Variants in EBF2 observed in about 807,000 individuals in gnomAD.
The protein encoded by EBF2 is EBF transcription factor 2.
A neutral mutation model predicts 72.8 loss-of-function variants in EBF2; 21 were observed. That is an observed-to-expected ratio of 0.29 (90% CI 0.20 to 0.42). The LOEUF is 0.42. Among genes scored for constraint, EBF2 ranks in the 10% least tolerant of loss-of-function variants. EBF2 has a pLI of 1.00. For synonymous variants in EBF2, 299 were observed against 274.2 expected, an observed-to-expected ratio of 1.09 and a Z score of -0.89; for missense variants, 637 against 731.2, an observed-to-expected ratio of 0.87 and a Z score of 1.49.
At chr8:25,899,528 T>A (rs1230729864) in intron 7 of EBF2, among the ~76,000 whole-genome samples, 1 of 152,176 alleles carries the variant, frequency 6.6e-6, no homozygotes, top group Non-Finnish European at 1.5e-5. Context: ...TAATTTAAAC[T>A]CTCGTTTCCC....
intron 10 of EBF2, among the ~76,000 whole-genome samples, chr8:25,865,393 G>T (rs913241575): frequency 6.6e-6 from 1 of 151,978 alleles, no homozygotes; most frequent in Non-Finnish European, 1.5e-5. Context: ...AAACACTTCT[G>T]TGTTTTACAC....
At chr8:26,041,316 A>C in intron 2 of EBF2, 2 of 419,110 alleles carry the variant, frequency 4.8e-6, no homozygotes, top group Non-Finnish European at 4.4e-6. Context: ...GGCACCACCC[A>C]ACCCATCGGG....
chr8:25,858,362 T>G lies in EBF2; in HGVS notation c.1485A>C (p.Ser495=). The G allele has an allele frequency of 6.2e-7, 1 of 1,614,192 alleles. No homozygotes were observed. The highest frequency in any genetic ancestry group is 1.7e-5 in the Admixed American group (1 of 60,022). ...TGGGTGAGCCATTTAGAAATCCTGG[T>G]GAACCTGGAACACCCAAGTTGGCCA... The part of the protein sequence containing the change: ...VPMANLGVPG[S]PGFLNGSPTG... The change falls in exon 14 of 16, where the codon TCA becomes TCC. Residue 495 remains serine, a synonymous_variant. Transcript: ENST00000520164.
At chr8:26,029,935 C>A (rs1278434742) in intron 6 of EBF2, among the ~76,000 whole-genome samples, 11 of 152,178 alleles carry the variant, frequency 7.2e-5, no homozygotes, top group African/African-American at 2.6e-4. Flanking sequence ...TTTTCTGAGA[C>A]AGGTCTCCCT....
chr8:26,042,471 T>C (rs1290473145), intron 1 of EBF2, among the ~76,000 whole-genome samples: 1 of 151,868 alleles, frequency 6.6e-6, no homozygotes, highest in Non-Finnish European at 1.5e-5. Context: ...ATACCTGGGG[T>C]CTCTGACACC....
chr8:25,877,636 C>A (rs1377342930), intron 10 of EBF2, among the ~76,000 whole-genome samples: 1 of 152,118 alleles, frequency 6.6e-6, no homozygotes, highest in Non-Finnish European at 1.5e-5. Flanking sequence ...TCCTTGGATA[C>A]AGAAAATGTC....
rs576569548 is a variant in EBF2, at chr8:25,844,556, AT to A, written c.*52del. 1.9e-4 allele frequency: 298 copies of A among 1,605,752 alleles called. No homozygotes were observed. The highest frequency in any genetic ancestry group is 2.4e-4 in the Non-Finnish European group (287 of 1,172,666). On this transcript the variant is annotated 3_prime_UTR_variant, in exon 16 of 16. Coordinates refer to ENST00000520164, the MANE Select transcript of EBF2 (RefSeq NM_022659.4). Reference sequence around the variant, plus strand: ...CAAAAGAGCTCCTAGTGCTTTCTTCATTATTGGTCCATCAGAGTAAGTAGTT... The same window carrying A: ...CAAAAGAGCTCCTAGTGCTTTCTTCATATTGGTCCATCAGAGTAAGTAGTT...
intron 6 of EBF2, among the ~76,000 whole-genome samples, chr8:25,929,793 C>T (rs1260832467): frequency 6.6e-6 from 1 of 151,984 alleles, no homozygotes; most frequent in Non-Finnish European, 1.5e-5. Flanking sequence ...TCACTGAGCT[C>T]GCCGGCCTGG....
chr8:25,868,621 C>T (rs1276349585), intron 10 of EBF2, among the ~76,000 whole-genome samples: 2 of 152,086 alleles, frequency 1.3e-5, no homozygotes, highest in African/African-American at 2.4e-5. Context: ...ACTTGGGCTA[C>T]AGACATGCAC....
At chr8:26,041,072 G>T in intron 2 of EBF2, 70 bp from the exon 3 acceptor site, 1 of 1,552,852 alleles carries the variant, frequency 6.4e-7, no homozygotes, top group South Asian at 1.1e-5. Flanking sequence ...AGGAGACAGT[G>T]AATCCCCACC....
chr8:25,866,044 C>G (rs1802308360), intron 10 of EBF2, among the ~76,000 whole-genome samples: 1 of 151,534 alleles, frequency 6.6e-6, no homozygotes, highest in Non-Finnish European at 1.5e-5. Context: ...AAAATCTTAA[C>G]TGAAAGTAAC....
Position 25,876,104 on chromosome 8 carries a change from T to C in EBF2, c.1009+10651A>G, listed in dbSNP as rs1265304126. Among the ~76,000 whole-genome samples the C allele has an allele frequency of 2.6e-5, 4 of 152,172 alleles. No homozygotes were observed. In the South Asian group the frequency reaches 8.3e-4, roughly 32 times the overall value. On this transcript the variant is annotated intron_variant, in intron 10 of 15. Coordinates refer to ENST00000520164, the MANE Select transcript of EBF2 (RefSeq NM_022659.4). ...CATAAAAAGGAATGAGAGCATGTCA[T>C]ATTTGCAGGGACATGGATGAAGCTG...
intron 6 of EBF2, among the ~76,000 whole-genome samples, chr8:25,982,302 A>G (rs1346953243): frequency 6.6e-6 from 1 of 152,254 alleles, no homozygotes; most frequent in African/African-American, 2.4e-5. Context: ...GAACACCCAC[A>G]CTGAACTGCT....
chr8:25,905,510 G>T (rs555231721), intron 7 of EBF2, among the ~76,000 whole-genome samples: 1 of 152,174 alleles, frequency 6.6e-6, no homozygotes, highest in South Asian at 2.1e-4. Context: ...GCTGTAAAAA[G>T]GAATGAAGTA....
At chr8:26,000,165 C>A (rs568125206) in intron 6 of EBF2, among the ~76,000 whole-genome samples, 4 of 152,254 alleles carry the variant, frequency 2.6e-5, no homozygotes, top group Admixed American at 2.0e-4. Flanking sequence ...ATCCTCCTCA[C>A]ACAGGGGAAT....
chr8:26,018,124 T>C (rs1563209996), intron 6 of EBF2, among the ~76,000 whole-genome samples: 1 of 151,948 alleles, frequency 6.6e-6, no homozygotes, highest in Non-Finnish European at 1.5e-5. Flanking sequence ...TTTTTTTTTT[T>C]TCTCTCCCTT....
At chr8:25,877,904 C>T (rs1417633852) in intron 10 of EBF2, among the ~76,000 whole-genome samples, 1 of 152,156 alleles carries the variant, frequency 6.6e-6, no homozygotes, top group African/African-American at 2.4e-5. Flanking sequence ...GTTTAAAATA[C>T]AGATTCCCAG....
At chr8:25,902,481 T>C (rs1802971591) in intron 7 of EBF2, among the ~76,000 whole-genome samples, 1 of 151,968 alleles carries the variant, frequency 6.6e-6, no homozygotes, top group Non-Finnish European at 1.5e-5. Flanking sequence ...TTTCTTTTGC[T>C]CTCTTAAAAA....
At chr8:25,869,426 A>G (rs1235973393) in intron 10 of EBF2, among the ~76,000 whole-genome samples, 1 of 152,154 alleles carries the variant, frequency 6.6e-6, no homozygotes, top group East Asian at 1.9e-4. Flanking sequence ...TGGAATTCGC[A>G]TGTCCACCAG....
Sources: gnomAD v4.1 joint callset for allele counts (sites outside exome capture counted in the v4.1 genomes callset) on GRCh38, gnomAD v4.1.1 for gene constraint, MANE v1.5 for transcripts, NCBI Gene and HGNC (gene_info 2026-07-23, HGNC 2026-07-21) for gene names.